Variants in HGS observed in about 807,000 individuals in gnomAD.
The protein encoded by HGS is hepatocyte growth factor-regulated tyrosine kinase substrate.
A neutral mutation model predicts 109.7 loss-of-function variants in HGS; 63 were observed. The ratio of observed to expected loss-of-function variants is 0.57; its 90% confidence interval spans 0.47 to 0.71. The LOEUF is 0.71. Among genes scored for constraint, HGS ranks in the 30% least tolerant of loss-of-function variants. The pLI, the probability that HGS is intolerant of heterozygous loss-of-function variation, is 0.00. For missense variants in HGS, 995 were observed against 1,068.3 expected (o/e 0.93, Z 0.96); for synonymous variants, 546 against 437.3 (o/e 1.25, Z -3.10).
chr17:81,700,975 C>T, intron 20 of HGS, 70 bp from the exon 21 acceptor site: 1 of 1,551,964 alleles, frequency 6.4e-7, no homozygotes, highest in South Asian at 1.1e-5. Flanking sequence ...TGGATTGTTG[C>T]AAGCCAGAAA....
At chr17:81,686,104 G>C (rs2036975543) in intron 2 of HGS, among the ~76,000 whole-genome samples, 1 of 152,002 alleles carries the variant, frequency 6.6e-6, no homozygotes, top group East Asian at 1.9e-4. Context: ...CTGATTTTTT[G>C]TATTTTGGTA....
In HGS at chr17:81,690,228, C is replaced by G. The variant is rs773071692; in HGVS notation, c.462C>G (p.Ala154=). ...EFKESDAMFA[A]ERAPDWVDAE... ...AAGAGAGCGATGCCATGTTTGCTGC[C>G]GAGAGAGTGAGTGTGGGCGGCCGCC... Residue 154 remains alanine (A), a synonymous_variant, in exon 6 of 22, where the codon GCC becomes GCG. Transcript: ENST00000329138. The G allele has an allele frequency of 1.7e-5, 27 of 1,613,678 alleles. No homozygotes were observed. Among genetic ancestry groups the G allele is most frequent in the Non-Finnish European group, 2.3e-5 (27 of 1,179,836 alleles).
In HGS at chr17:81,696,852, T is replaced by A; in HGVS notation, c.1736T>A (p.Val579Glu). The A allele has an allele frequency of 6.2e-7, 1 of 1,611,038 alleles. No individual in the cohort carries two copies. The highest frequency in any genetic ancestry group is 8.5e-7 in the Non-Finnish European group (1 of 1,179,530). The change falls in exon 18 of 22, where the codon GTG becomes GAG. Residue 579 changes from valine to glutamate, a missense_variant. Physicochemically the swap from Val to Glu is moderately radical, Grantham distance 121. Transcript: ENST00000329138. ...QLQAMPAAGG[V>E]LYQPSGPASF... ...CAGGCCATGCCCGCAGCCGGAGGTG[T>A]GCTCTACCAGCCCTCGGGACCAGCC... is the stretch of plus-strand genomic sequence containing the variant.
chr17:81,697,295 T>C (rs1436642872), intron 18 of HGS: 4 of 301,434 alleles, frequency 1.3e-5, no homozygotes, highest in Non-Finnish European at 2.5e-5. Flanking sequence ...TCAGCCCTCA[T>C]GGACTGTCCC....
chr17:81,685,574 C>G, intron 1 of HGS, 31 bp from the exon 2 acceptor site: 1 of 1,564,152 alleles, frequency 6.4e-7, no homozygotes, highest in Non-Finnish European at 8.8e-7. Flanking sequence ...AGCAGGATAA[C>G]CCCTCCCTTT....
intron 4 of HGS, 125 bp from the exon 5 acceptor site, chr17:81,688,579 C>A: frequency 1.6e-6 from 2 of 1,226,690 alleles, no homozygotes; most frequent in Non-Finnish European, 2.3e-6. Flanking sequence ...ACTCGGGGGG[C>A]CCTCCCTGGC....
At chr17:81,699,224 G>A (rs1031727548) in intron 18 of HGS, among the ~76,000 whole-genome samples, 3 of 152,222 alleles carry the variant, frequency 2.0e-5, no homozygotes, top group African/African-American at 4.8e-5. Context: ...CTGTGGAGAC[G>A]ATGCCTCCTA....
chr17:81,694,070 C>G, intron 11 of HGS, 105 bp downstream of exon 11: 1 of 940,972 alleles, frequency 1.1e-6, no homozygotes, highest in Non-Finnish European at 1.6e-6. Flanking sequence ...GGATGCGGGT[C>G]CCCGGGCTTC....
At chr17:81,689,475 T>G (rs1395110915) in intron 5 of HGS, among the ~76,000 whole-genome samples, 1 of 151,612 alleles carries the variant, frequency 6.6e-6, no homozygotes, top group Non-Finnish European at 1.5e-5. Flanking sequence ...GGCTTCAGGA[T>G]GCATTTGGGA....
intron 6 of HGS, 78 bp from the exon 7 acceptor site, chr17:81,690,596 T>C (rs370077864): frequency 7.0e-7 from 1 of 1,426,488 alleles, no homozygotes; most frequent in East Asian, 2.3e-5. Context: ...CGTTGCCTTC[T>C]GTGGGGCAGG....
Position 81,700,951 on chromosome 17 carries a change from C to T in HGS, c.2137-94C>T, listed in dbSNP as rs534961339. ...CTCCCCCTCCACTCTCTGGGTGCTC[C>T]CTGTGGTCACCTTTGGATTGTTGCA... On this transcript the variant is annotated intron_variant, in intron 20 of 21. Coordinates refer to ENST00000329138, the MANE Select transcript of HGS (RefSeq NM_004712.5). The T allele has an allele frequency of 2.6e-5, 39 of 1,523,940 alleles. 1 individual carries two copies. The South Asian group carries it at 3.7e-4, about 15-fold the overall frequency. 94.4% of individuals were successfully genotyped at this position (1,523,940 alleles called of 1,614,324 possible).
Position 81,695,220 on chromosome 17 carries a change from T to C in HGS, c.1176T>C (p.Ser392=). 6.2e-7 allele frequency: 1 copy of C among 1,614,132 alleles called. No homozygotes were observed. Among genetic ancestry groups the C allele is most frequent in the Non-Finnish European group, 8.5e-7 (1 of 1,179,958 alleles). ...TTCCTCCCTCTGGTGGCCCCTTTAG[T>C]GAGGTAAGCTGTGGCTCCCTCCACG... ...QPIPPSGGPF[S]EPQFHNGESE... Residue 392 remains serine, a synonymous_variant, in exon 14 of 22, where the codon AGT becomes AGC. Coordinates refer to ENST00000329138, the MANE Select transcript of HGS (RefSeq NM_004712.5).
chr17:81,701,261 A>G (rs2037233315), intron 21 of HGS, 130 bp downstream of exon 21: 1 of 877,202 alleles, frequency 1.1e-6, no homozygotes, highest in Non-Finnish European at 1.8e-6. Context: ...CGCATACCCG[A>G]GGCCCCTTCT....
rs1442248488 is a variant in HGS at position 81,700,596 on chromosome 17, A to G, written c.2012A>G (p.Tyr671Cys). 6.2e-7 allele frequency: 1 copy of G among 1,604,024 alleles called. No individual in the cohort carries two copies. The highest frequency in any genetic ancestry group is 8.5e-7 in the Non-Finnish European group (1 of 1,174,318). ...TACCAGCCTACTCCCACAGCGGGCT[A>G]CCAGGTACACAGGAAGGCCGCTCCT... ...SSYQPTPTAG[Y>C]QNVASQAPQS... is the part of the protein sequence containing the mutation. The change falls in exon 19 of 22, where the codon TAC (tyrosine) becomes TGC (cysteine). Residue 671 changes from tyrosine (Y) to cysteine (C), a missense_variant. By Grantham distance (194) the Tyr-to-Cys change is radical (BLOSUM62 -2). Coordinates refer to ENST00000329138, the MANE Select transcript of HGS (RefSeq NM_004712.5).
chr17:81,701,259 C>T (rs747942529), intron 21 of HGS, 128 bp downstream of exon 21: 28 of 884,938 alleles, frequency 3.2e-5, no homozygotes, highest in Admixed American at 6.3e-5. Flanking sequence ...GACGCATACC[C>T]GAGGCCCCTT....
At chr17:81,687,852 G>A (rs2037003948) in intron 4 of HGS, among the ~76,000 whole-genome samples, 1 of 152,220 alleles carries the variant, frequency 6.6e-6, no homozygotes, top group Non-Finnish European at 1.5e-5. Flanking sequence ...CGGGGATCCC[G>A]GTGGACAGCC....
At position 81,684,025 on chromosome 17, in the gene HGS, C is replaced by A; in HGVS notation, c.-42C>A. The A allele has an allele frequency of 1.3e-6, 2 of 1,575,098 alleles. No individual in the cohort carries two copies. Among genetic ancestry groups the A allele is most frequent in the South Asian group, 2.3e-5 (2 of 87,304 alleles). ...AGTCGGGGGGCGCGCCAGCTCGTAGCAGGGGAGCGCCCGCGGCGTCGGGTT... is the reference window on the plus strand; with the variant it reads ...AGTCGGGGGGCGCGCCAGCTCGTAGAAGGGGAGCGCCCGCGGCGTCGGGTT... On this transcript the variant is annotated 5_prime_UTR_variant, in exon 1 of 22. Transcript: ENST00000329138.
In HGS at chr17:81,696,121, T is replaced by C. The variant is rs1489042142; in HGVS notation, c.1393+122T>C. 7.2e-6 allele frequency: 7 copies of C among 976,294 alleles called. No individual in the cohort carries two copies. In the East Asian group the frequency reaches 1.8e-4, roughly 26 times the overall value. 60.5% of individuals were successfully genotyped at this position (976,294 alleles called of 1,614,324 possible). On this transcript the variant is annotated intron_variant, in intron 15 of 21. Coordinates refer to ENST00000329138, the MANE Select transcript of HGS (RefSeq NM_004712.5). ...TGAGTCCTTCATTGGGGCCGTGGCT[T>C]CCTCCAGAGAGTGTCAACAGGAGGT... is the stretch of plus-strand genomic sequence containing the variant.
In HGS at chr17:81,695,857, C is replaced by A. The variant is rs762444912; in HGVS notation, c.1251C>A (p.Thr417=). 1 of 1,613,552 alleles carries A rather than the reference C, an allele frequency of 6.2e-7. No individual in the cohort carries two copies. The highest frequency in any genetic ancestry group is 1.1e-5 in the South Asian group (1 of 91,086). The change falls in exon 15 of 22, where the codon ACC becomes ACA. Residue 417 remains threonine (T), a synonymous_variant. Transcript: ENST00000329138. ...QFLKALQNAV[T]TFVNRMKSNH... is the part of the protein sequence containing the mutation. ...TGAAGGCGCTGCAGAACGCCGTCAC[C>A]ACCTTCGTGAACCGCATGAAGAGTA...
Sources: gnomAD v4.1 joint callset for allele counts (sites outside exome capture counted in the v4.1 genomes callset) on GRCh38, gnomAD v4.1.1 for gene constraint, MANE v1.5 for transcripts, NCBI Gene and HGNC (gene_info 2026-07-23, HGNC 2026-07-21) for gene names.